Variants in LIPM observed in about 807,000 individuals in gnomAD.
The protein encoded by LIPM is lipase member M.
In LIPM, 42 loss-of-function variants were observed where a neutral mutation model predicts 42.4. The ratio of observed to expected loss-of-function variants is 0.99; its 90% confidence interval spans 0.77 to 1.28. The LOEUF (loss-of-function observed/expected upper bound fraction) is 1.28. Ranked by LOEUF, LIPM falls within the 50% of genes most tolerant of loss-of-function variation. LIPM has a pLI of 0.00. For synonymous variants in LIPM, 177 were observed against 173.3 expected (o/e 1.02, Z -0.17); for missense variants, 524 against 520.1 (o/e 1.01, Z -0.07).
At position 88,808,300 on chromosome 10, in the gene LIPM, T is replaced by C. The variant is rs1843612478; in HGVS notation, c.150T>C (p.Ser50=). The change falls in exon 2 of 9, where the codon AGT becomes AGC. Residue 50 remains serine (S), a splice_region_variant and synonymous_variant. Coordinates refer to ENST00000404743, the MANE Select transcript of LIPM (RefSeq NM_001128215.1). The stretch of plus-strand genomic sequence containing the variant: ...AAGAAATTGTGCTTTTTCCATAGAG[T>C]GAAATCATCCAACATCAAGGCTATC... The part of the protein sequence containing the change: ...AVDPEAFMNI[S]EIIQHQGYPC... The C allele has an allele frequency of 6.5e-7, 1 of 1,534,732 alleles. No homozygotes were observed. The highest frequency in any genetic ancestry group is 1.4e-5 in the African/African-American group (1 of 72,770).
chr10:88,814,125 T>C (rs922507380), intron 3 of LIPM, among the ~76,000 whole-genome samples: 1 of 152,230 alleles, frequency 6.6e-6, no homozygotes, highest in Non-Finnish European at 1.5e-5. Context: ...AAATTACCTA[T>C]TGATGTTCAA....
intron 8 of LIPM, among the ~76,000 whole-genome samples, chr10:88,819,085 T>C (rs1032494313): frequency 1.3e-5 from 2 of 152,076 alleles, no homozygotes; most frequent in East Asian, 3.9e-4. Context: ...GGATGGGGTT[T>C]CACCATGTTG....
intron 1 of LIPM, among the ~76,000 whole-genome samples, chr10:88,807,176 G>A (rs936922883): frequency 6.6e-6 from 1 of 152,140 alleles, no homozygotes; most frequent in African/African-American, 2.4e-5. Context: ...TGCATTTATT[G>A]CAACAGTCCC....
chr10:88,808,329 G>C lies in LIPM; in HGVS notation c.179G>C (p.Cys60Ser). The stretch of plus-strand genomic sequence containing the variant: ...ATCATCCAACATCAAGGCTATCCCT[G>C]TGAGGAATATGAAGTCGCAACTGAA... ...SEIIQHQGYP[C>S]EEYEVATEDG... is the part of the protein sequence containing the mutation. The change falls in exon 2 of 9, where the codon TGT becomes TCT. Residue 60 changes from cysteine (C) to serine (S), a missense_variant. Cys to Ser is a moderately radical substitution (Grantham distance 112). Transcript: ENST00000404743. The C allele has an allele frequency of 6.4e-7, 1 of 1,550,408 alleles. No individual in the cohort carries two copies. The highest frequency in any genetic ancestry group is 1.4e-5 in the African/African-American group (1 of 73,110).
chr10:88,817,533 G>T (rs1843731483), intron 7 of LIPM, among the ~76,000 whole-genome samples: 1 of 152,180 alleles, frequency 6.6e-6, no homozygotes, highest in Non-Finnish European at 1.5e-5. Flanking sequence ...CCCCATTGTA[G>T]CCCACACAGT....
chr10:88,817,742 C>A, intron 7 of LIPM, 83 bp from the exon 8 acceptor site: 1 of 892,694 alleles, frequency 1.1e-6, no homozygotes, highest in Non-Finnish European at 1.8e-6. Context: ...CATGAGTGCA[C>A]ACTGGGTAGC....
At chr10:88,815,600 G>A (rs756463502) in intron 6 of LIPM, 97 bp downstream of exon 6, 19 of 1,063,558 alleles carry the variant, frequency 1.8e-5, no homozygotes, top group African/African-American at 9.6e-5. Flanking sequence ...TGAAGACTCA[G>A]AGTAATGATA....
chr10:88,816,983 C>T, intron 7 of LIPM, 96 bp downstream of exon 7: 2 of 896,560 alleles, frequency 2.2e-6, no homozygotes, highest in East Asian at 2.7e-5. Flanking sequence ...GGGATTATTT[C>T]ACACTTATTC....
chr10:88,816,729 G>A, intron 6 of LIPM, 87 bp from the exon 7 acceptor site: 1 of 818,088 alleles, frequency 1.2e-6, no homozygotes, highest in Non-Finnish European at 2.1e-6. Flanking sequence ...CCATTTCTTA[G>A]TCTGACACCC....
chr10:88,805,060 G>A (rs977133536), intron 1 of LIPM, among the ~76,000 whole-genome samples: 1 of 151,424 alleles, frequency 6.6e-6, no homozygotes, highest in Non-Finnish European at 1.5e-5. Context: ...CTTATACTTT[G>A]ATGAATAACT....
In LIPM at chr10:88,802,797, C is replaced by A; in HGVS notation, c.-100C>A. 2 of 1,255,110 alleles carry A rather than the reference C, an allele frequency of 1.6e-6. No homozygotes were observed. The highest frequency in any genetic ancestry group is 1.1e-6 in the Non-Finnish European group (1 of 920,438). 77.7% of individuals were successfully genotyped at this position (1,255,110 alleles called of 1,614,324 possible). A position where few individuals can be genotyped will look rare whatever the true frequency, so the allele number is the denominator to read the frequency against. On this transcript the variant is annotated 5_prime_UTR_variant, in exon 1 of 9. Coordinates refer to ENST00000404743, the MANE Select transcript of LIPM (RefSeq NM_001128215.1). The stretch of plus-strand genomic sequence containing the variant: ...GCTTCAGAATTGGAAGAGGGAATTG[C>A]AGCAGGAAAATATGTGAAGAGTTTT...
rs1843708074 is a variant in LIPM at position 88,815,486 on chromosome 10, A to G, written c.841A>G (p.Thr281Ala). 2 of 1,551,338 alleles carry G rather than the reference A, an allele frequency of 1.3e-6. No individual in the cohort carries two copies. Among genetic ancestry groups the G allele is most frequent in the South Asian group, 2.4e-5 (2 of 84,014 alleles). Residue 281 changes from threonine (T) to alanine (A), a missense_variant, in exon 6 of 9, where the codon ACC (threonine) becomes GCC (alanine). Coordinates refer to ENST00000404743, the MANE Select transcript of LIPM (RefSeq NM_001128215.1). ...CATGTTACTTCTGGGTGGATTCAAC[A>G]CCAACAATATGAACATGGTAAGTGG... ...NIMLLLGGFN[T>A]NNMNMSRASV...
At position 88,804,176 on chromosome 10, in the gene LIPM, G is replaced by A. The variant is rs550663787; in HGVS notation, c.147+1133G>A. Among the ~76,000 whole-genome samples, 197 of 152,274 alleles carry A rather than the reference G, an allele frequency of 1.3e-3. 1 individual carries two copies. The highest frequency in any genetic ancestry group is 4.2e-3 in the African/African-American group (176 of 41,542). ...TTCAATGATTAGGTGGTTTGTCTAG[G>A]TAGTTAGCACATTGGTGTCAGTCCT... On this transcript the variant is annotated intron_variant, in intron 1 of 8. Coordinates refer to ENST00000404743, the MANE Select transcript of LIPM (RefSeq NM_001128215.1).
intron 2 of LIPM, 100 bp downstream of exon 2, chr10:88,808,515 A>C (rs1843616040): frequency 2.9e-6 from 2 of 694,694 alleles, no homozygotes; most frequent in African/African-American, 1.8e-5. Context: ...CTTAGTGCAG[A>C]GTGAGGTCCA....
At chr10:88,811,660 A>C (rs1843658238) in intron 2 of LIPM, among the ~76,000 whole-genome samples, 1 of 152,212 alleles carries the variant, frequency 6.6e-6, no homozygotes, top group African/African-American at 2.4e-5. Flanking sequence ...AGTCCTGGGA[A>C]TAGTACAAGG....
intron 8 of LIPM, among the ~76,000 whole-genome samples, chr10:88,819,007 C>T (rs891701899): frequency 2.6e-5 from 4 of 152,078 alleles, no homozygotes; most frequent in African/African-American, 9.7e-5. Flanking sequence ...CTTGCCTCAG[C>T]CTCCCGAGTA....
In LIPM at chr10:88,808,347, C is replaced by T. The variant is rs893432694; in HGVS notation, c.197C>T (p.Ala66Val). Residue 66 changes from alanine to valine, a missense_variant, in exon 2 of 9, where the codon GCA becomes GTA. Ala to Val is a moderately conservative substitution (Grantham distance 64, BLOSUM62 0). Transcript: ENST00000404743. ...TATCCCTGTGAGGAATATGAAGTCG[C>T]AACTGAAGATGGGTATATCCTTTCT... ...QGYPCEEYEV[A>V]TEDGYILSVN... The T allele has an allele frequency of 6.4e-7, 1 of 1,551,396 alleles. No individual in the cohort carries two copies. Among genetic ancestry groups the T allele is most frequent in the African/African-American group, 1.4e-5 (1 of 73,004 alleles).
chr10:88,811,942 A>G (rs925621200), intron 2 of LIPM, among the ~76,000 whole-genome samples: 3 of 152,206 alleles, frequency 2.0e-5, no homozygotes, highest in Admixed American at 6.5e-5. Context: ...TTCGTAGTCT[A>G]TATCCAAATT....
chr10:88,808,027 A>G (rs1365763354), intron 1 of LIPM, among the ~76,000 whole-genome samples: 1 of 152,222 alleles, frequency 6.6e-6, no homozygotes, highest in Non-Finnish European at 1.5e-5. Context: ...TGGAATTTGC[A>G]TATCTAACAG....
Sources: gnomAD v4.1 joint callset for allele counts (sites outside exome capture counted in the v4.1 genomes callset) on GRCh38, gnomAD v4.1.1 for gene constraint, MANE v1.5 for transcripts, NCBI Gene and HGNC (gene_info 2026-07-23, HGNC 2026-07-21) for gene names.